Variants in HADHA observed in about 807,000 individuals in gnomAD.
The protein encoded by HADHA is trifunctional enzyme subunit alpha, mitochondrial.
A neutral mutation model predicts 91.3 loss-of-function variants in HADHA; 59 were observed. The ratio of observed to expected loss-of-function variants is 0.65; its 90% confidence interval spans 0.52 to 0.80. The LOEUF is 0.80. HADHA is among the 30% of genes least tolerant of loss of function. HADHA has a pLI of 0.00. For synonymous variants in HADHA, 320 were observed against 338.9 expected, an observed-to-expected ratio of 0.94 and a Z score of 0.61; for missense variants, 800 against 927.6, an observed-to-expected ratio of 0.86 and a Z score of 1.79.
At chr2:26,218,442 G>T (rs935823983) in intron 7 of HADHA, among the ~76,000 whole-genome samples, 1 of 152,102 alleles carries the variant, frequency 6.6e-6, no homozygotes, top group African/African-American at 2.4e-5. Flanking sequence ...AGTTCTTCAG[G>T]TTGCAAGAAA....
At chr2:26,202,401 A>C (rs992457860) in intron 12 of HADHA, among the ~76,000 whole-genome samples, 1 of 152,170 alleles carries the variant, frequency 6.6e-6, no homozygotes, top group Non-Finnish European at 1.5e-5. Flanking sequence ...TTCCTTAACC[A>C]AAAGCAAAAT....
At chr2:26,203,975 A>G (rs1338703321) in intron 12 of HADHA, 87 bp downstream of exon 12, 3 of 1,350,380 alleles carry the variant, frequency 2.2e-6, no homozygotes, top group Non-Finnish European at 3.2e-6. Context: ...ACAAACAAAC[A>G]AAAAAACCCA....
intron 17 of HADHA, 115 bp downstream of exon 17, chr2:26,193,462 G>T: frequency 1.1e-6 from 1 of 891,668 alleles, no homozygotes; most frequent in Non-Finnish European, 1.9e-6. Flanking sequence ...CAGTGATAAG[G>T]GCTCTGTGTT....
intron 10 of HADHA, among the ~76,000 whole-genome samples, chr2:26,211,689 T>TA (rs765353161): frequency 1.3e-5 from 2 of 152,208 alleles, no homozygotes; most frequent in African/African-American, 2.4e-5. Flanking sequence ...TTCAACTTTA[T>TA]AAAAGAGCAA....
At chr2:26,234,765 C>CAA (rs199781944) in intron 4 of HADHA, among the ~76,000 whole-genome samples, 3 of 88,978 alleles carry the variant, frequency 3.4e-5, no homozygotes, top group African/African-American at 5.1e-5. Context: ...GACTCTGTCT[C>CAA]AAAAAAAAAA....
Position 26,195,132 on chromosome 2 carries a change from G to T in HADHA, c.1580C>A (p.Ala527Glu), listed in dbSNP as rs776940225. Residue 527 changes from alanine to glutamate, a missense_variant, in exon 15 of 20, where the codon GCA becomes GAA. Coordinates refer to ENST00000380649, the MANE Select transcript of HADHA (RefSeq NM_000182.5). ...GACCTTCCCCTGCTTGAGACCAACT[G>T]CTACAGCTGAAGCACTGGTGTCTTT... ...TSKDTSASAV[A>E]VGLKQGKVII... 6.2e-7 allele frequency: 1 copy of T among 1,612,326 alleles called. No homozygotes were observed.
At chr2:26,198,749 T>C (rs113193458) in intron 13 of HADHA, among the ~76,000 whole-genome samples, 2,078 of 152,098 alleles carry the variant, frequency 0.014, 24 homozygotes, top group South Asian at 0.051. Flanking sequence ...CCCATGATTT[T>C]AGTTAATCAA....
chr2:26,213,103 C>CA (rs1358046249), intron 9 of HADHA, among the ~76,000 whole-genome samples: 2 of 152,196 alleles, frequency 1.3e-5, no homozygotes, highest in Non-Finnish European at 2.9e-5. Flanking sequence ...ATGAGAATGA[C>CA]AAATTTTTAG....
Position 26,215,069 on chromosome 2 carries a change from G to C in HADHA, c.783C>G (p.Asp261Glu), listed in dbSNP as rs556065652. Residue 261 changes from aspartate to glutamate, a missense_variant, in exon 8 of 20, where the codon GAC becomes GAG. By Grantham distance (45) the Asp-to-Glu change is conservative. Coordinates refer to ENST00000380649, the MANE Select transcript of HADHA (RefSeq NM_000182.5). ...LADKKISPKR[D>E]KGLVEKLTAY... ...GATACTCACTTTCCACCAATCCCTT[G>C]TCTCTCTTTGGAGAGATCTTCTTAT... The C allele has an allele frequency of 3.1e-6, 5 of 1,608,698 alleles. No homozygotes were observed. In the African/African-American group the frequency reaches 5.3e-5, roughly 17 times the overall value.
intron 1 of HADHA, among the ~76,000 whole-genome samples, chr2:26,242,151 A>G (rs1398821250): frequency 1.3e-5 from 2 of 152,156 alleles, no homozygotes; most frequent in Non-Finnish European, 2.9e-5. Flanking sequence ...TGGCCTCCCA[A>G]TATACTGGGA....
At chr2:26,224,129 T>C (rs192393605) in intron 7 of HADHA, among the ~76,000 whole-genome samples, 149 of 152,324 alleles carry the variant, frequency 9.8e-4, no homozygotes, top group African/African-American at 3.4e-3. Context: ...GAACCTTTTG[T>C]TCAGGGCTTT....
chr2:26,222,006 T>C (rs1471445674), intron 7 of HADHA, among the ~76,000 whole-genome samples: 2 of 152,198 alleles, frequency 1.3e-5, no homozygotes, highest in East Asian at 3.8e-4. Context: ...GGCTGAATTG[T>C]GTCCCCCCTA....
intron 9 of HADHA, among the ~76,000 whole-genome samples, chr2:26,213,450 A>T (rs1471800001): frequency 1.3e-5 from 2 of 152,208 alleles, no homozygotes; most frequent in African/African-American, 4.8e-5. Flanking sequence ...ATCCAGCTTC[A>T]ATCTGCCTTT....
rs375322919 is a variant in HADHA at position 26,191,224 on chromosome 2, C to T, written c.*26G>A. ...ACTGCCGGCAGCTGGGGTTAGTGCA[C>T]TGACTGAGCGAGGCATGAGGCCTGC... On this transcript the variant is annotated 3_prime_UTR_variant, in exon 20 of 20. Coordinates refer to ENST00000380649, the MANE Select transcript of HADHA (RefSeq NM_000182.5). The T allele has an allele frequency of 6.2e-7, 1 of 1,610,408 alleles. No individual in the cohort carries two copies. Among genetic ancestry groups the T allele is most frequent in the Admixed American group, 1.7e-5 (1 of 60,024 alleles).
Position 26,191,276 on chromosome 2 carries a change from T to C in HADHA, c.2266A>G (p.Ser756Gly), listed in dbSNP as rs1166344679. Reference protein sequence around the residue: ...PCQLLADHANSPNKKFYQ With the variant: ...PCQLLADHANGPNKKFYQ ...CACTGGTAGAACTTCTTGTTAGGGC[T>C]GTTAGCATGGTCAGCTAGCAGCTGG... Residue 756 changes from serine (S) to glycine (G), a missense_variant, in exon 20 of 20, where the codon AGC becomes GGC. Coordinates refer to ENST00000380649, the MANE Select transcript of HADHA (RefSeq NM_000182.5). 6.2e-7 allele frequency: 1 copy of C among 1,612,996 alleles called. No individual in the cohort carries two copies. Among genetic ancestry groups the C allele is most frequent in the South Asian group, 1.1e-5 (1 of 91,024 alleles).
At chr2:26,237,693 G>C (rs1670794388) in intron 3 of HADHA, among the ~76,000 whole-genome samples, 2 of 152,216 alleles carry the variant, frequency 1.3e-5, no homozygotes, top group South Asian at 4.1e-4. Context: ...AATTAAATGT[G>C]ATTATCCCAT....
chr2:26,229,306 C>G lies in HADHA; in HGVS notation c.676+886G>C, dbSNP rs1670556944. ...CAAGCTATATTCACACCACCATATT[C>G]CAGTCTGAGCAACAGAGTGAGACCC... On this transcript the variant is annotated intron_variant, in intron 7 of 19. Coordinates refer to ENST00000380649, the MANE Select transcript of HADHA (RefSeq NM_000182.5). This position sits in a 1 kb window ranked among gnomAD's most constrained non-coding sequence, Gnocchi z 4.3. Among the ~76,000 whole-genome samples, 2 of 150,796 alleles carry G rather than the reference C, an allele frequency of 1.3e-5. No homozygotes were observed. Among genetic ancestry groups the G allele is most frequent in the African/African-American group, 4.9e-5 (2 of 40,738 alleles).
Position 26,191,392 on chromosome 2 carries a change from G to A in HADHA, c.2150C>T (p.Pro717Leu), listed in dbSNP as rs142481738. ...GLGFPPCLGG[P>L]FRFVDLYGAQ... is the part of the protein sequence containing the mutation. The stretch of plus-strand genomic sequence containing the variant: ...GCCATACAGATCCACAAAGCGGAAA[G>A]GCCCTGAATAGAGAAAGAGGACTTC... The change falls in exon 20 of 20, where the codon CCT (proline) becomes CTT (leucine). Residue 717 changes from proline (P) to leucine (L), a missense_variant. Physicochemically the swap from Pro to Leu is moderately conservative, Grantham distance 98. Coordinates refer to ENST00000380649, the MANE Select transcript of HADHA (RefSeq NM_000182.5). The A allele has an allele frequency of 6.2e-7, 1 of 1,614,208 alleles. No homozygotes were observed. Among genetic ancestry groups the A allele is most frequent in the East Asian group, 2.2e-5 (1 of 44,888 alleles).
Position 26,192,355 on chromosome 2 carries a change from A to G in HADHA, c.1955T>C (p.Met652Thr), listed in dbSNP as rs780553972. Residue 652 changes from methionine (M) to threonine (T), a missense_variant, in exon 18 of 20, where the codon ATG (methionine) becomes ACG (threonine). By Grantham distance (81) the Met-to-Thr change is moderately conservative (BLOSUM62 -1). Coordinates refer to ENST00000380649, the MANE Select transcript of HADHA (RefSeq NM_000182.5). The part of the protein sequence containing the change: ...GVKRKDLNSD[M>T]DSILASLKLP... ...CTTCAGACTCGCTAAAATACTATCC[A>G]TGTCAGAATTCAAATCCTTCCTCTT... 1.9e-6 allele frequency: 3 copies of G among 1,609,996 alleles called. No individual in the cohort carries two copies. The highest frequency in any genetic ancestry group is 1.1e-5 in the South Asian group (1 of 90,994).
Sources: gnomAD v4.1 joint callset for allele counts (sites outside exome capture counted in the v4.1 genomes callset) on GRCh38, gnomAD v4.1.1 for gene constraint, Gnocchi (gnomAD v3.1) non-coding constraint, MANE v1.5 for transcripts, NCBI Gene and HGNC (gene_info 2026-07-23, HGNC 2026-07-21) for gene names.